LSM12: variants seen among roughly 807,000 people sequenced by gnomAD.
LSM12 encodes the protein protein LSM12.
For missense variants in LSM12, 108 were observed against 238.9 expected, an observed-to-expected ratio of 0.45 and a Z score of 3.61; for synonymous variants, 74 against 87.3, an observed-to-expected ratio of 0.85 and a Z score of 0.85.
At chr17:44,052,602 T>C (rs1425097272) in intron 2 of LSM12, among the ~76,000 whole-genome samples, 4 of 151,604 alleles carry the variant, frequency 2.6e-5, no homozygotes, top group African/African-American at 9.7e-5. Flanking sequence ...CTACTAAAAT[T>C]ACAAAAATTA....
rs1385625666 is a variant in LSM12 at position 44,037,483 on chromosome 17, T to C, written c.424A>G (p.Ile142Val). 6.2e-7 allele frequency: 1 copy of C among 1,611,496 alleles called. No individual in the cohort carries two copies. Among genetic ancestry groups the C allele is most frequent in the Non-Finnish European group, 8.5e-7 (1 of 1,178,980 alleles). ...KNIVVMEEVV[I>V]TPPYQVENCK... ...TTTTCCACTTGATATGGGGGTGTAA[T>C]AACAACTTCTTCCATGACTACGATG... The change falls in exon 4 of 5, where the codon ATT becomes GTT. Residue 142 changes from isoleucine to valine, a missense_variant. Transcript: ENST00000293406.
chr17:44,047,575 C>T (rs1464979147), intron 2 of LSM12, among the ~76,000 whole-genome samples: 1 of 151,120 alleles, frequency 6.6e-6, no homozygotes, highest in East Asian at 2.0e-4. Flanking sequence ...TTATTATTTT[C>T]TTTTTTGAGA....
chr17:44,066,773 TGAAAA>T (rs375206003), upstream of LSM12: 709 of 707,062 alleles, frequency 1.0e-3, 4 homozygotes, highest in African/African-American at 0.013. Context: ...AAGGGGAATC[TGAAAA>T]GTATTTGTAT....
At chr17:44,063,154 G>C (rs2049822538) in intron 2 of LSM12, among the ~76,000 whole-genome samples, 1 of 152,118 alleles carries the variant, frequency 6.6e-6, no homozygotes, top group Non-Finnish European at 1.5e-5. Flanking sequence ...CAGCTACTCA[G>C]AAGGCCGAGG....
At chr17:44,038,595 C>T (rs148936415) in intron 3 of LSM12, among the ~76,000 whole-genome samples, 120 of 152,198 alleles carry the variant, frequency 7.9e-4, no homozygotes, top group African/African-American at 2.7e-3. Flanking sequence ...GCAGAGATTG[C>T]AGTGAGCCAA....
intron 2 of LSM12, among the ~76,000 whole-genome samples, chr17:44,060,469 G>A (rs1266744020): frequency 2.6e-5 from 4 of 152,156 alleles, no homozygotes; most frequent in African/African-American, 9.7e-5. Context: ...CATCCTAAAA[G>A]GTTGATTTCA....
At chr17:44,043,751 T>C (rs1486716201) in intron 2 of LSM12, among the ~76,000 whole-genome samples, 2 of 151,358 alleles carry the variant, frequency 1.3e-5, no homozygotes, top group Non-Finnish European at 2.9e-5. Context: ...GGAAGATCAC[T>C]TGAGCCCAGT....
At chr17:44,048,385 G>A (rs1361227500) in intron 2 of LSM12, among the ~76,000 whole-genome samples, 2 of 151,546 alleles carry the variant, frequency 1.3e-5, no homozygotes, top group Non-Finnish European at 2.9e-5. Flanking sequence ...GGGAGGCTGA[G>A]GCAGAGGAAT....
rs114238403 is a variant in LSM12 at position 44,055,252 on chromosome 17, T to C, written c.258+8549A>G. ...CTTGCCTTAGACAAGTGGTTCTTCC[T>C]TCCCACATTCACATACCTTCTTACT... is the stretch of plus-strand genomic sequence containing the variant. On this transcript the variant is annotated intron_variant, in intron 2 of 4. Coordinates refer to ENST00000293406, the MANE Select transcript of LSM12 (RefSeq NM_001371445.1). Among the ~76,000 whole-genome samples the C allele has an allele frequency of 5.2e-3, 795 of 152,166 alleles. 10 individuals carry two copies. The highest frequency in any genetic ancestry group is 0.017 in the African/African-American group (700 of 41,500).
chr17:44,046,689 A>G lies in LSM12; in HGVS notation c.259-6433T>C, dbSNP rs1021426655. Among the ~76,000 whole-genome samples the G allele has an allele frequency of 5.5e-4, 81 of 146,956 alleles. 1 individual carries two copies. Among genetic ancestry groups the G allele is most frequent in the Admixed American group, 1.7e-3 (25 of 14,800 alleles). ...TGCGCCACTGCACTCCAGCCTGGGC[A>G]ACAGAGCCAGACTCCGTCTCAAAAA... On this transcript the variant is annotated intron_variant, in intron 2 of 4. Coordinates refer to ENST00000293406, the MANE Select transcript of LSM12 (RefSeq NM_001371445.1).
At chr17:44,066,973 C>T (rs2049888795), upstream of LSM12, among the ~76,000 whole-genome samples, 1 of 152,198 alleles carries the variant, frequency 6.6e-6, no homozygotes, top group Non-Finnish European at 1.5e-5. Context: ...TATGAGGAAT[C>T]AGAGCCTCAG....
intron 2 of LSM12, among the ~76,000 whole-genome samples, chr17:44,057,244 G>A (rs1368756948): frequency 6.7e-6 from 1 of 149,876 alleles, no homozygotes; most frequent in Non-Finnish European, 1.5e-5. Context: ...CCGCCTCCTG[G>A]GTTCACACCA....
At position 44,066,482 on chromosome 17, in the gene LSM12, A is replaced by C. The variant is rs746072340; in HGVS notation, c.106T>G (p.Ser36Ala). 24 of 1,548,796 alleles carry C rather than the reference A, an allele frequency of 1.5e-5. No homozygotes were observed. Among genetic ancestry groups the C allele is most frequent in the Non-Finnish European group, 2.6e-6 (3 of 1,149,300 alleles). Residue 36 changes from serine (S) to alanine (A), a missense_variant, in exon 1 of 5, where the codon TCC becomes GCC. By Grantham distance (99) the Ser-to-Ala change is moderately conservative. Coordinates refer to ENST00000293406, the MANE Select transcript of LSM12 (RefSeq NM_001371445.1). ...AGGATACTTAAAGCCAGCATTTTGG[A>C]TTGGTAGTCAAAGGCTACCACCTCG... ...QGEVVAFDYQSKMLALKCPSS... is the reference protein window; with the variant it reads ...QGEVVAFDYQAKMLALKCPSS...
At chr17:44,064,069 C>T (rs2049835815) in intron 1 of LSM12, 135 bp from the exon 2 acceptor site, 2 of 921,798 alleles carry the variant, frequency 2.2e-6, no homozygotes, top group African/African-American at 3.3e-5. Flanking sequence ...TTATAAGAAT[C>T]ACGGTTCTCC....
chr17:44,052,616 G>A (rs190027396), intron 2 of LSM12, among the ~76,000 whole-genome samples: 47 of 151,908 alleles, frequency 3.1e-4, no homozygotes, highest in African/African-American at 1.0e-3. Flanking sequence ...AAAATTAGCC[G>A]GGCATGGTGG....
chr17:44,037,583 T>C, intron 3 of LSM12, 45 bp from the exon 4 acceptor site: 1 of 1,545,500 alleles, frequency 6.5e-7, no homozygotes, highest in South Asian at 1.3e-5. Flanking sequence ...CTTGGGGGCA[T>C]CCCACATCTC....
intron 2 of LSM12, among the ~76,000 whole-genome samples, chr17:44,042,097 G>A (rs1287956455): frequency 5.3e-5 from 8 of 152,118 alleles, no homozygotes; most frequent in Admixed American, 5.2e-4. Flanking sequence ...GACCAACCTG[G>A]CCAACATGGT....
At chr17:44,065,295 G>A (rs1027710618) in intron 1 of LSM12, among the ~76,000 whole-genome samples, 1 of 151,796 alleles carries the variant, frequency 6.6e-6, no homozygotes, top group Non-Finnish European at 1.5e-5. Context: ...ACAAAAATTA[G>A]CTGGGCGTGG....
At chr17:44,058,628 C>T (rs778118900) in intron 2 of LSM12, among the ~76,000 whole-genome samples, 5 of 152,004 alleles carry the variant, frequency 3.3e-5, no homozygotes, top group East Asian at 1.9e-4. Flanking sequence ...GTCAGGAGTT[C>T]GAGATCAGCC....
Sources: gnomAD v4.1 joint callset for allele counts (sites outside exome capture counted in the v4.1 genomes callset) on GRCh38, gnomAD v4.1.1 for gene constraint, MANE v1.5 for transcripts, NCBI Gene and HGNC (gene_info 2026-07-23, HGNC 2026-07-21) for gene names.